KIAA1328: variants seen among roughly 807,000 people sequenced by gnomAD.
KIAA1328 encodes protein hinderin.
A neutral mutation model predicts 68.1 loss-of-function variants in KIAA1328; 52 were observed. The observed-to-expected ratio is 0.76, with a 90% confidence interval of 0.61 to 0.96. KIAA1328 has a LOEUF of 0.96. Ranked by LOEUF, KIAA1328 falls within the 40% of genes least tolerant of loss-of-function variation. The pLI is 0.00. For missense variants in KIAA1328, 641 were observed against 677.6 expected (o/e 0.95, Z 0.60); for synonymous variants, 232 against 239.4 (o/e 0.97, Z 0.28).
In KIAA1328 at chr18:37,098,008, G is replaced by T. The variant is rs188077541; in HGVS notation, c.1232+30463G>T. 4.9e-3 allele frequency among the ~76,000 whole-genome samples: 743 copies of T among 152,044 alleles called. 10 individuals are homozygous for T. Among genetic ancestry groups the T allele is most frequent in the African/African-American group, 0.017 (688 of 41,340 alleles). ...TGGGGTTTTCTAGATGTACAATCAT[G>T]TCATCTGCAAACAGGGACAATTTGA... On this transcript the variant is annotated intron_variant, in intron 7 of 9. Transcript: ENST00000280020.
intron 7 of KIAA1328, among the ~76,000 whole-genome samples, chr18:37,073,496 T>A (rs1207654909): frequency 6.6e-6 from 1 of 152,240 alleles, no homozygotes; most frequent in Non-Finnish European, 1.5e-5. Flanking sequence ...TATTAAAAGG[T>A]TCCACATGTC....
chr18:36,943,939 T>C (rs1205912996), intron 5 of KIAA1328, among the ~76,000 whole-genome samples: 1 of 152,206 alleles, frequency 6.6e-6, no homozygotes, highest in African/African-American at 2.4e-5. Context: ...CACTTTCCTG[T>C]TAAAAAGTGA....
At chr18:37,055,090 T>C (rs2055857525) in intron 6 of KIAA1328, among the ~76,000 whole-genome samples, 1 of 152,144 alleles carries the variant, frequency 6.6e-6, no homozygotes, top group Non-Finnish European at 1.5e-5. Flanking sequence ...GCCTAGAAAA[T>C]GTTTTTGACT....
intron 9 of KIAA1328, among the ~76,000 whole-genome samples, chr18:37,178,268 C>T (rs894827042): frequency 3.3e-5 from 5 of 152,062 alleles, no homozygotes; most frequent in East Asian, 1.9e-4. Flanking sequence ...ATGAGATCAA[C>T]GTTTCTAGAT....
chr18:36,976,881 T>C (rs1598873577), intron 6 of KIAA1328, among the ~76,000 whole-genome samples: 1 of 152,322 alleles, frequency 6.6e-6, no homozygotes, highest in East Asian at 1.9e-4. Context: ...TGTGTTGTTA[T>C]ATGATCTCAA....
At chr18:37,058,028 G>T (rs569441205) in intron 6 of KIAA1328, among the ~76,000 whole-genome samples, 1 of 152,294 alleles carries the variant, frequency 6.6e-6, no homozygotes, top group East Asian at 1.9e-4. Context: ...AGAAAGTATG[G>T]ATATATGTTG....
intron 7 of KIAA1328, among the ~76,000 whole-genome samples, chr18:37,113,031 G>T (rs996907550): frequency 1.3e-5 from 2 of 152,188 alleles, no homozygotes; most frequent in Non-Finnish European, 2.9e-5. Flanking sequence ...ATCTACGTTT[G>T]ACTGGTGTAC....
At position 37,029,109 on chromosome 18, in the gene KIAA1328, G is replaced by T. The variant is rs555662818; in HGVS notation, c.577-37781G>T. ...GTAGGATTGGTACCAGCTCTTCTTT[G>T]TATGTCTGGTAGAATTCACCTGTGG... On this transcript the variant is annotated intron_variant, in intron 6 of 9. Transcript: ENST00000280020. Among the ~76,000 whole-genome samples the T allele has an allele frequency of 5.9e-5, 9 of 152,210 alleles. No individual in the cohort carries two copies. The South Asian group carries it at 1.5e-3, about 25-fold the overall frequency.
At chr18:37,085,946 A>G (rs2057090388) in intron 7 of KIAA1328, among the ~76,000 whole-genome samples, 1 of 152,140 alleles carries the variant, frequency 6.6e-6, no homozygotes, top group Admixed American at 6.5e-5. Flanking sequence ...TGAACTATCT[A>G]CTATTCTTAA....
At chr18:37,107,838 A>T (rs1192784469) in intron 7 of KIAA1328, among the ~76,000 whole-genome samples, 3 of 150,838 alleles carry the variant, frequency 2.0e-5, no homozygotes, top group Non-Finnish European at 2.9e-5. Flanking sequence ...GCCATCTCAC[A>T]CCAGTCAGAA....
Position 37,223,412 on chromosome 18 carries a change from C to A in KIAA1328, c.*1185C>A, listed in dbSNP as rs2060599060. The stretch of plus-strand genomic sequence containing the variant: ...AGAGCTCTTGAGATGGGTCCTTCAG[C>A]TTGCAGTGGTCCCTAGTAGCCTCTC... On this transcript the variant is annotated 3_prime_UTR_variant, in exon 10 of 10. Coordinates refer to ENST00000280020, the MANE Select transcript of KIAA1328 (RefSeq NM_020776.3). The A allele has an allele frequency of 1.0e-6, 1 of 985,278 alleles. No homozygotes were observed. Among genetic ancestry groups the A allele is most frequent in the Non-Finnish European group, 1.2e-6 (1 of 829,962 alleles). 61.0% of individuals were successfully genotyped at this position (985,278 alleles called of 1,614,324 possible).
intron 7 of KIAA1328, among the ~76,000 whole-genome samples, chr18:37,137,619 G>C (rs751694343): frequency 6.6e-6 from 1 of 151,900 alleles, no homozygotes; most frequent in African/African-American, 2.4e-5. Flanking sequence ...TATCTCTCTC[G>C]TTCCCATGTT....
In KIAA1328 at chr18:37,223,428, G is replaced by A. The variant is rs561030592; in HGVS notation, c.*1201G>A. On this transcript the variant is annotated 3_prime_UTR_variant, in exon 10 of 10. Coordinates refer to ENST00000280020, the MANE Select transcript of KIAA1328 (RefSeq NM_020776.3). ...GTCCTTCAGCTTGCAGTGGTCCCTA[G>A]TAGCCTCTCAAGCTAATGGGGATGA... 4 of 985,290 alleles carry A rather than the reference G, an allele frequency of 4.1e-6. No individual in the cohort carries two copies. The highest frequency in any genetic ancestry group is 5.2e-4 in the Middle Eastern group (1 of 1,936). 61.0% of individuals were successfully genotyped at this position (985,290 alleles called of 1,614,324 possible). A position where few individuals can be genotyped will look rare whatever the true frequency, so the allele number is the denominator to read the frequency against.
chr18:36,896,525 G>A (rs1351590099), intron 5 of KIAA1328, among the ~76,000 whole-genome samples: 1 of 152,098 alleles, frequency 6.6e-6, no homozygotes, highest in Non-Finnish European at 1.5e-5. Flanking sequence ...TGGCTCTAGT[G>A]GCTAAGGATT....
intron 5 of KIAA1328, among the ~76,000 whole-genome samples, chr18:36,900,707 T>A (rs888062440): frequency 6.6e-6 from 1 of 152,028 alleles, no homozygotes; most frequent in South Asian, 2.1e-4. Flanking sequence ...TAAACAGTGA[T>A]GTTTCTGTCA....
intron 9 of KIAA1328, among the ~76,000 whole-genome samples, chr18:37,203,873 C>T (rs1400443390): frequency 1.3e-5 from 2 of 151,782 alleles, no homozygotes; most frequent in African/African-American, 4.8e-5. Flanking sequence ...GCAGTGGCGC[C>T]ATCTCAGCTC....
intron 9 of KIAA1328, among the ~76,000 whole-genome samples, chr18:37,186,612 T>G (rs2059807241): frequency 6.6e-6 from 1 of 151,016 alleles, no homozygotes; most frequent in African/African-American, 2.4e-5. Context: ...GCATGAACAT[T>G]GTTATTTTCA....
intron 6 of KIAA1328, among the ~76,000 whole-genome samples, chr18:36,992,313 T>C (rs1009019338): frequency 2.6e-5 from 4 of 152,150 alleles, no homozygotes; most frequent in African/African-American, 9.7e-5. Context: ...CCTTTTCTCC[T>C]CCAAGGCATA....
chr18:37,081,737 G>C (rs1488639818), intron 7 of KIAA1328, among the ~76,000 whole-genome samples: 1 of 152,042 alleles, frequency 6.6e-6, no homozygotes, highest in Non-Finnish European at 1.5e-5. Flanking sequence ...TTGTTTCCTT[G>C]AGATCTTTTC....
Sources: allele counts gnomAD v4.1 joint callset (sites outside exome capture counted in the v4.1 genomes callset), GRCh38; gene constraint gnomAD v4.1.1; transcripts MANE v1.5; gene names NCBI Gene and HGNC (gene_info 2026-07-23, HGNC 2026-07-21).